PRSS56: variants seen among roughly 807,000 people sequenced by gnomAD.
PRSS56 encodes the protein serine protease 56.
PRSS56 carries 55 observed loss-of-function variants against 66.8 expected under a neutral mutation model. The ratio of observed to expected loss-of-function variants is 0.82; its 90% CI spans 0.66 to 1.03. PRSS56 has a LOEUF of 1.03. Ranked by LOEUF, PRSS56 falls within the 50% of genes least tolerant of loss-of-function variation. The probability of loss-of-function intolerance (pLI) is 0.00; values close to 1 mark genes in which losing one functional copy is unlikely to be tolerated. For synonymous variants in PRSS56, 409 were observed against 387.9 expected (o/e 1.05, Z -0.64); for missense variants, 869 against 837.2 (o/e 1.04, Z -0.47).
rs533807877 is a variant in PRSS56, at chr2:232,520,508, G to A, written c.-91G>A. On this transcript the variant is annotated 5_prime_UTR_variant, in exon 1 of 13. Transcript: ENST00000617714. Reference sequence around the variant, plus strand: ...TTCAGTGCCCGGGGGCCGAAAGGCAGCAGAAGGCGGGCACCAAAGGATAGG... The same window carrying A: ...TTCAGTGCCCGGGGGCCGAAAGGCAACAGAAGGCGGGCACCAAAGGATAGG... 1.0e-3 allele frequency: 1,051 copies of A among 1,022,546 alleles called. 11 individuals are homozygous for A. Among genetic ancestry groups the A allele is most frequent in the Non-Finnish European group, 1.1e-4 (75 of 678,442 alleles). 63.3% of individuals were successfully genotyped at this position (1,022,546 alleles called of 1,614,324 possible).
At chr2:232,524,935 C>T in intron 12 of PRSS56, 91 bp downstream of exon 12, 2 of 1,106,582 alleles carry the variant, frequency 1.8e-6, no homozygotes, top group South Asian at 1.4e-5. Context: ...GCCCAGATAC[C>T]CTCCCAGCAG....
Position 232,522,123 on chromosome 2 carries a change from G to A in PRSS56, c.409G>A (p.Ala137Thr), listed in dbSNP as rs926193653. The change falls in exon 4 of 13, where the codon GCC becomes ACC. Residue 137 changes from alanine to threonine, a missense_variant. Ala to Thr is a moderately conservative substitution (Grantham distance 58, BLOSUM62 0). This residue lies in a region of PRSS56 where 315 missense variants were observed against 313.7 expected (regional missense o/e 1.00). Coordinates refer to ENST00000617714, the MANE Select transcript of PRSS56 (RefSeq NM_001195129.2). ...QPLCGGVLVA[A>T]SWVLTAAHCF... ...TCTGTGCGGCGGCGTCCTGGTAGCGGCCTCCTGGGTGCTCACGGCAGCGCA... is the reference window on the plus strand; with the variant it reads ...TCTGTGCGGCGGCGTCCTGGTAGCGACCTCCTGGGTGCTCACGGCAGCGCA... The A allele has an allele frequency of 2.8e-5, 42 of 1,517,208 alleles. No individual in the cohort carries two copies. In the Admixed American group the frequency reaches 3.2e-4, roughly 12 times the overall value. The allele number at this position is 1,517,208 out of a possible 1,614,324, so 94.0% of individuals were successfully genotyped here.
At position 232,524,348 on chromosome 2, in the gene PRSS56, G is replaced by C; in HGVS notation, c.1393G>C (p.Glu465Gln). ...AGTRFPKRRP[E>Q]PRGEANGCPG... ...CACTCGGTTCCCGAAGCGGAGGCCG[G>C]AGCCGCGCGGAGAAGCCAACGGTAA... Residue 465 changes from glutamate (E) to glutamine (Q), a missense_variant, in exon 11 of 13, where the codon GAG becomes CAG. Coordinates refer to ENST00000617714, the MANE Select transcript of PRSS56 (RefSeq NM_001195129.2). The C allele has an allele frequency of 6.5e-7, 1 of 1,535,638 alleles. No individual in the cohort carries two copies. Among genetic ancestry groups the C allele is most frequent in the African/African-American group, 1.4e-5 (1 of 73,176 alleles).
chr2:232,523,503 T>C lies in PRSS56; in HGVS notation c.937T>C (p.Cys313Arg). The change falls in exon 8 of 13, where the codon TGC becomes CGC. Residue 313 changes from cysteine (C) to arginine (R), a missense_variant. This residue lies in a region of PRSS56 where 551 missense variants were observed against 506.9 expected (regional missense o/e 1.09). Transcript: ENST00000617714. Reference sequence around the variant, plus strand: ...CGGAGTCACCTCCTGGGGGGACGGCTGCGGGGAGCCAGGGAAGCCCGGGGT... The same window carrying C: ...CGGAGTCACCTCCTGGGGGGACGGCCGCGGGGAGCCAGGGAAGCCCGGGGT... ...LFGVTSWGDGCGEPGKPGVYT... is the reference protein window; with the variant it reads ...LFGVTSWGDGRGEPGKPGVYT... The C allele has an allele frequency of 1.3e-6, 2 of 1,531,944 alleles. No homozygotes were observed. The highest frequency in any genetic ancestry group is 1.7e-6 in the Non-Finnish European group (2 of 1,145,060). 94.9% of individuals were successfully genotyped at this position (1,531,944 alleles called of 1,614,324 possible). A position where few individuals can be genotyped will look rare whatever the true frequency, so the allele number is the denominator to read the frequency against.
chr2:232,521,454 A>G, intron 2 of PRSS56, 26 bp downstream of exon 2: 1 of 1,511,372 alleles, frequency 6.6e-7, no homozygotes, highest in Non-Finnish European at 8.9e-7. Flanking sequence ...CCCGTGCCCC[A>G]GTGAGCTTGC....
chr2:232,522,453 C>T (rs1691302024), intron 4 of PRSS56, 62 bp from the exon 5 acceptor site: 35 of 1,386,990 alleles, frequency 2.5e-5, no homozygotes, highest in Non-Finnish European at 3.4e-5. Flanking sequence ...GGCAGGGTCT[C>T]CGAGGGGCCT....
rs556891185 is a variant in PRSS56, at chr2:232,524,335, G to A, written c.1380G>A (p.Pro460=). ...CGCGGGCTGCAGGCACTCGGTTCCCGAAGCGGAGGCCGGAGCCGCGCGGAG... is the reference window on the plus strand; with the variant it reads ...CGCGGGCTGCAGGCACTCGGTTCCCAAAGCGGAGGCCGGAGCCGCGCGGAG... ...SGSRAAGTRF[P]KRRPEPRGEA... The change falls in exon 11 of 13, where the codon CCG becomes CCA. Residue 460 remains proline, a synonymous_variant. Coordinates refer to ENST00000617714, the MANE Select transcript of PRSS56 (RefSeq NM_001195129.2). The A allele has an allele frequency of 5.6e-4, 862 of 1,535,712 alleles. 9 individuals carry two copies. The South Asian group carries it at 9.7e-3, about 17-fold the overall frequency.
intron 5 of PRSS56, 43 bp from the exon 6 acceptor site, chr2:232,522,659 C>G (rs1691307325): frequency 2.0e-6 from 3 of 1,532,550 alleles, no homozygotes; most frequent in Non-Finnish European, 2.6e-6. Context: ...CACCGCACCC[C>G]CACCCGTGCT....
rs778673553 is a variant in PRSS56, at chr2:232,524,334, C to T, written c.1379C>T (p.Pro460Leu). The T allele has an allele frequency of 6.5e-7, 1 of 1,535,780 alleles. No homozygotes were observed. The highest frequency in any genetic ancestry group is 1.2e-5 in the South Asian group (1 of 84,052). The part of the protein sequence containing the change: ...SGSRAAGTRF[P>L]KRRPEPRGEA... ...TCGCGGGCTGCAGGCACTCGGTTCC[C>T]GAAGCGGAGGCCGGAGCCGCGCGGA... The change falls in exon 11 of 13, where the codon CCG becomes CTG. Residue 460 changes from proline to leucine, a missense_variant. Pro to Leu is a moderately conservative substitution (Grantham distance 98). This residue lies in a region of PRSS56 where 551 missense variants were observed against 506.9 expected (regional missense o/e 1.09). Coordinates refer to ENST00000617714, the MANE Select transcript of PRSS56 (RefSeq NM_001195129.2).
intron 11 of PRSS56, 68 bp from the exon 12 acceptor site, chr2:232,524,670 T>C: frequency 3.5e-6 from 4 of 1,139,494 alleles, no homozygotes; most frequent in Non-Finnish European, 4.9e-6. Flanking sequence ...GAGGTGCTGG[T>C]GGGAGTGCCA....
intron 8 of PRSS56, 51 bp downstream of exon 8, chr2:232,523,629 G>A (rs1306389302): frequency 1.3e-6 from 2 of 1,502,960 alleles, no homozygotes; most frequent in East Asian, 2.5e-5. Context: ...ACGGACAACC[G>A]TGGGACAAGC....
chr2:232,521,227 G>C (rs1299190413), intron 1 of PRSS56, 94 bp from the exon 2 acceptor site: 1 of 948,220 alleles, frequency 1.1e-6, no homozygotes, highest in Non-Finnish European at 1.6e-6. Context: ...CAGGCTGGTG[G>C]GTCTCCCGAG....
Position 232,525,367 on chromosome 2 carries a change from C to T in PRSS56, c.1673C>T (p.Ala558Val). The T allele has an allele frequency of 6.5e-7, 1 of 1,533,274 alleles. No individual in the cohort carries two copies. The highest frequency in any genetic ancestry group is 8.7e-7 in the Non-Finnish European group (1 of 1,145,756). The allele number at this position is 1,533,274 out of a possible 1,614,324, so 95.0% of individuals were successfully genotyped here. ...AGCCTCCCCCGGCTGCTGGTGCAGGCCCTGCAGGCCTTCCGCGTGGCTGCC... is the reference window on the plus strand; with the variant it reads ...AGCCTCCCCCGGCTGCTGGTGCAGGTCCTGCAGGCCTTCCGCGTGGCTGCC... ...ARSLPRLLVQALQAFRVAALA... is the reference protein window; with the variant it reads ...ARSLPRLLVQVLQAFRVAALA... Residue 558 changes from alanine (A) to valine (V), a missense_variant, in exon 13 of 13, where the codon GCC becomes GTC. Physicochemically the swap from Ala to Val is moderately conservative, Grantham distance 64. Around this residue, in one of 3 missense-constraint regions of PRSS56, gnomAD observed 551 missense variants for 506.9 expected, o/e 1.09. Coordinates refer to ENST00000617714, the MANE Select transcript of PRSS56 (RefSeq NM_001195129.2).
At position 232,525,568 on chromosome 2, in the gene PRSS56, C is replaced by G; in HGVS notation, c.*62C>G. 1 of 1,073,590 alleles carries G rather than the reference C, an allele frequency of 9.3e-7. No homozygotes were observed. Among genetic ancestry groups the G allele is most frequent in the Non-Finnish European group, 1.2e-6 (1 of 856,904 alleles). 66.5% of individuals were successfully genotyped at this position (1,073,590 alleles called of 1,614,324 possible). A position where few individuals can be genotyped will look rare whatever the true frequency, so the allele number is the denominator to read the frequency against. ...CTGCTCCCAGGGGCTGAGAGGGGTT[C>G]GGGAGCATAATGACAAACTGTCGCT... On this transcript the variant is annotated 3_prime_UTR_variant, in exon 13 of 13. Coordinates refer to ENST00000617714, the MANE Select transcript of PRSS56 (RefSeq NM_001195129.2).
rs1277722460 is a variant in PRSS56, at chr2:232,524,090, A to G, written c.1238A>G (p.Glu413Gly). The change falls in exon 10 of 13, where the codon GAG (glutamate) becomes GGG (glycine). Residue 413 changes from glutamate to glycine, a missense_variant. Transcript: ENST00000617714. ...CTGGGCCTGCTGCGGAACGCGCAGG[A>G]GCTGCTCGGGCCTCGTCCGGGACTG... ...TLLGLLRNAQ[E>G]LLGPRPGLRR... 1 of 1,523,294 alleles carries G rather than the reference A, an allele frequency of 6.6e-7. No individual in the cohort carries two copies. Among genetic ancestry groups the G allele is most frequent in the Non-Finnish European group, 8.8e-7 (1 of 1,142,064 alleles). The allele number at this position is 1,523,294 out of a possible 1,614,324, so 94.4% of individuals were successfully genotyped here. A position where few individuals can be genotyped will look rare whatever the true frequency, so the allele number is the denominator to read the frequency against.
At chr2:232,521,515 A>T in intron 2 of PRSS56, 87 bp downstream of exon 2, 1 of 1,144,488 alleles carries the variant, frequency 8.7e-7, no homozygotes, top group African/African-American at 1.5e-5. Flanking sequence ...TTCAGTCTTC[A>T]CTCTCCTCTT....
chr2:232,520,808 C>T (rs1691260385), intron 1 of PRSS56, 113 bp downstream of exon 1: 1 of 648,566 alleles, frequency 1.5e-6, no homozygotes, highest in Non-Finnish European at 2.6e-6. Flanking sequence ...GGACCTTTGG[C>T]TCCTTCTGCC....
In PRSS56 at chr2:232,521,989, G is replaced by A. The variant is rs1052143162; in HGVS notation, c.275G>A (p.Arg92His). The stretch of plus-strand genomic sequence containing the variant: ...TTTCTAGGGCCGTGCGGCGAGAGGC[G>A]TCCGAGCACTGCCAATGTGACGCGG... ...PPEPGPCGER[R>H]PSTANVTRAH... The change falls in exon 4 of 13, where the codon CGT (arginine) becomes CAT (histidine). Residue 92 changes from arginine to histidine, a missense_variant. Arg to His is a conservative substitution (Grantham distance 29). Around this residue, in one of 3 missense-constraint regions of PRSS56, gnomAD observed 315 missense variants for 313.7 expected, o/e 1.00. Coordinates refer to ENST00000617714, the MANE Select transcript of PRSS56 (RefSeq NM_001195129.2). The A allele has an allele frequency of 6.8e-7, 1 of 1,460,332 alleles. No individual in the cohort carries two copies. Among genetic ancestry groups the A allele is most frequent in the Non-Finnish European group, 9.0e-7 (1 of 1,109,502 alleles). 90.5% of individuals were successfully genotyped at this position (1,460,332 alleles called of 1,614,324 possible). A position where few individuals can be genotyped will look rare whatever the true frequency, so the allele number is the denominator to read the frequency against.
At chr2:232,524,444 C>A in intron 11 of PRSS56, 75 bp downstream of exon 11, 1 of 1,422,806 alleles carries the variant, frequency 7.0e-7, no homozygotes, top group Non-Finnish European at 9.4e-7. Context: ...GCTTCTACTG[C>A]AGCTCCGGAA....
Sources: gnomAD v4.1 joint callset for allele counts on GRCh38, gnomAD v4.1.1 for gene constraint, gnomAD v4.1.1 regional missense constraint, MANE v1.5 for transcripts, NCBI Gene and HGNC (gene_info 2026-07-23, HGNC 2026-07-21) for gene names.